The following RBM6 variants were observed in gnomAD, a reference collection of about 807,000 sequenced individuals.
The protein encoded by RBM6 is RNA binding motif protein 6.
RBM6 carries 23 observed loss-of-function variants against 140.4 expected under a neutral mutation model. The ratio of observed to expected loss-of-function variants is 0.16; its 90% CI spans 0.12 to 0.23. The LOEUF is 0.23. Among genes scored for constraint, RBM6 ranks in the 10% least tolerant of loss-of-function variants. The pLI, the probability that RBM6 is intolerant of heterozygous loss-of-function variation, is 1.00. For synonymous variants in RBM6, 439 were observed against 475.6 expected (o/e 0.92, Z 1.00); for missense variants, 1,139 against 1,386.7 (o/e 0.82, Z 2.84).
chr3:50,036,979 C>T (rs1457617456), intron 6 of RBM6, among the ~76,000 whole-genome samples: 3 of 151,878 alleles, frequency 2.0e-5, no homozygotes, highest in Non-Finnish European at 4.4e-5. Flanking sequence ...AGAGACGGGG[C>T]TTCACCATGT....
intron 1 of RBM6, among the ~76,000 whole-genome samples, chr3:49,959,033 C>G (rs1474379042): frequency 2.0e-5 from 3 of 151,810 alleles, no homozygotes; most frequent in Non-Finnish European, 4.4e-5. Flanking sequence ...GACCTCGTGA[C>G]CAACCCACTT....
chr3:50,057,041 G>T (rs1485731259), intron 8 of RBM6, among the ~76,000 whole-genome samples: 2 of 152,078 alleles, frequency 1.3e-5, no homozygotes, highest in Admixed American at 1.3e-4. Context: ...TTAAGTAAGG[G>T]CCATATCTTC....
chr3:49,960,429 A>G (rs568254292), intron 1 of RBM6, among the ~76,000 whole-genome samples: 18 of 152,206 alleles, frequency 1.2e-4, no homozygotes, highest in African/African-American at 4.3e-4. Context: ...CTATGAAGGA[A>G]TGAGACCTTG....
intron 5 of RBM6, 94 bp from the exon 6 acceptor site, chr3:49,999,346 G>A: frequency 3.6e-6 from 4 of 1,106,688 alleles, no homozygotes; most frequent in Non-Finnish European, 5.5e-6. Flanking sequence ...GAGGGCTTGT[G>A]TTTAAGGGGT....
At chr3:49,946,969 T>C (rs1378678825) in intron 1 of RBM6, among the ~76,000 whole-genome samples, 3 of 151,236 alleles carry the variant, frequency 2.0e-5, no homozygotes, top group African/African-American at 7.3e-5. Context: ...TCTTATTGGC[T>C]ATTTGCATAT....
chr3:50,045,169 C>T (rs2089161115), intron 6 of RBM6, among the ~76,000 whole-genome samples: 1 of 152,192 alleles, frequency 6.6e-6, no homozygotes, highest in African/African-American at 2.4e-5. Flanking sequence ...TCATCCACAG[C>T]TACTGGAACA....
chr3:49,974,673 A>ATTTTTTT (rs55872898), intron 4 of RBM6, among the ~76,000 whole-genome samples: 1 of 72,452 alleles, frequency 1.4e-5, no homozygotes, highest in African/African-American at 6.5e-5. Flanking sequence ...TGCCCGGCCA[A>ATTTTTTT]TTTTTTTTTT....
intron 6 of RBM6, among the ~76,000 whole-genome samples, chr3:50,035,309 C>T (rs538446067): frequency 3.3e-5 from 5 of 152,112 alleles, no homozygotes; most frequent in African/African-American, 4.8e-5. Context: ...GACAAGTGCA[C>T]CAACACATAG....
chr3:50,045,520 G>A (rs1375312168), intron 6 of RBM6, among the ~76,000 whole-genome samples: 1 of 152,194 alleles, frequency 6.6e-6, no homozygotes, highest in Admixed American at 6.5e-5. Flanking sequence ...GCAAGATTAA[G>A]TAGACTGTGA....
intron 17 of RBM6, among the ~76,000 whole-genome samples, chr3:50,068,138 A>G (rs150809623): frequency 1.3e-5 from 2 of 152,338 alleles, no homozygotes; most frequent in African/African-American, 4.8e-5. Flanking sequence ...TGGAAAGTAG[A>G]CTGTAGTACT....
At chr3:50,050,120 G>A (rs779567399) in intron 7 of RBM6, among the ~76,000 whole-genome samples, 8 of 151,866 alleles carry the variant, frequency 5.3e-5, no homozygotes, top group Non-Finnish European at 8.8e-5. Context: ...TCTCACCTTG[G>A]CCTCCCGAAG....
chr3:50,038,225 C>T (rs1468630288), intron 6 of RBM6, among the ~76,000 whole-genome samples: 1 of 152,082 alleles, frequency 6.6e-6, no homozygotes. Context: ...GCAGTGAGGC[C>T]TGTACAGTAT....
At chr3:49,961,799 T>TAA (rs201999999) in intron 1 of RBM6, among the ~76,000 whole-genome samples, 9 of 138,362 alleles carry the variant, frequency 6.5e-5, no homozygotes, top group African/African-American at 1.1e-4. Context: ...ATTCTGTCTT[T>TAA]AAAAAAAAAA....
Position 50,049,262 on chromosome 3 carries a change from C to A in RBM6, c.1632+943C>A, listed in dbSNP as rs528875314. On this transcript the variant is annotated intron_variant, in intron 7 of 20. Transcript: ENST00000266022. ...TAGCTAGGATTACAGTTGTGTGCCA[C>A]CATGCTCAGCTAATTTTTTTGTAGT... Among the ~76,000 whole-genome samples, 6 of 151,840 alleles carry A rather than the reference C, an allele frequency of 4.0e-5. No individual in the cohort carries two copies. In the East Asian group the frequency reaches 1.2e-3, roughly 29 times the overall value.
intron 6 of RBM6, among the ~76,000 whole-genome samples, chr3:50,002,129 C>G (rs1421813468): frequency 6.6e-6 from 1 of 152,074 alleles, no homozygotes; most frequent in East Asian, 1.9e-4. Flanking sequence ...CGGAGTCCAG[C>G]CAGGCTGGAG....
chr3:50,040,491 TATAC>T (rs1254707330), intron 6 of RBM6, among the ~76,000 whole-genome samples: 22 of 95,646 alleles, frequency 2.3e-4, no homozygotes, highest in South Asian at 5.6e-4. Flanking sequence ...TATATATATA[TATAC>T]ACACACACAC....
chr3:50,057,107 G>C (rs1003159917), intron 8 of RBM6, among the ~76,000 whole-genome samples: 3 of 152,164 alleles, frequency 2.0e-5, no homozygotes, highest in African/African-American at 4.8e-5. Flanking sequence ...CAGGTTCAAG[G>C]TGTCATGAAG....
intron 5 of RBM6, among the ~76,000 whole-genome samples, chr3:49,989,451 T>C (rs1475065777): frequency 6.6e-6 from 1 of 152,132 alleles, no homozygotes; most frequent in Non-Finnish European, 1.5e-5. Context: ...GGCACACGCC[T>C]GTAATCCCAG....
At chr3:50,076,249 G>A (rs1449520116) in intron 20 of RBM6, among the ~76,000 whole-genome samples, 1 of 151,552 alleles carries the variant, frequency 6.6e-6, no homozygotes, top group Non-Finnish European at 1.5e-5. Context: ...GATTACAGGC[G>A]TGAGCCACTG....
Sources: allele counts gnomAD v4.1 joint callset (sites outside exome capture counted in the v4.1 genomes callset), GRCh38; gene constraint gnomAD v4.1.1; transcripts MANE v1.5; gene names NCBI Gene and HGNC (gene_info 2026-07-23, HGNC 2026-07-21).